Variants in ORC5 observed in about 807,000 individuals in gnomAD.
ORC5 encodes the protein origin recognition complex subunit 5.
A neutral mutation model predicts 58.8 loss-of-function variants in ORC5; 39 were observed. That is an observed-to-expected ratio of 0.66 (90% CI 0.51 to 0.87). The LOEUF (loss-of-function observed/expected upper bound fraction) is 0.87, where lower values mean the gene tolerates loss of function less well. ORC5 is among the 40% of genes least tolerant of loss of function. The pLI is 0.00. For synonymous variants in ORC5, 218 were observed against 177.6 expected, an observed-to-expected ratio of 1.23 and a Z score of -1.81; for missense variants, 493 against 506.3, an observed-to-expected ratio of 0.97 and a Z score of 0.25.
At position 104,204,188 on chromosome 7, in the gene ORC5, G is replaced by C. The variant is rs759669813; in HGVS notation, c.119C>G (p.Ala40Gly). ...FPSIFIYGHTASGKTYVTQTL... is the reference protein window; with the variant it reads ...FPSIFIYGHTGSGKTYVTQTL... Reference sequence around the variant, plus strand: ...TTGTGTTACATAGGTCTTTCCACTAGCAGTATGTCCATAAATAAAAATGGA... The same window carrying C: ...TTGTGTTACATAGGTCTTTCCACTACCAGTATGTCCATAAATAAAAATGGA... Residue 40 changes from alanine to glycine, a missense_variant, in exon 2 of 14, where the codon GCT becomes GGT. By Grantham distance (60) the Ala-to-Gly change is moderately conservative. This residue lies in a region of ORC5 where 412 missense variants were observed against 403.7 expected (regional missense o/e 1.02). Transcript: ENST00000297431. The C allele has an allele frequency of 1.3e-5, 21 of 1,601,208 alleles. No homozygotes were observed. The Admixed American group carries it at 3.5e-4, about 27-fold the overall frequency.
chr7:104,192,373 G>A (rs1268593382), intron 5 of ORC5, among the ~76,000 whole-genome samples: 1 of 152,128 alleles, frequency 6.6e-6, no homozygotes, highest in Non-Finnish European at 1.5e-5. Flanking sequence ...AAATCACACA[G>A]GGCTGTGAAT....
At chr7:104,192,846 C>T (rs1799705877) in intron 5 of ORC5, among the ~76,000 whole-genome samples, 1 of 151,086 alleles carries the variant, frequency 6.6e-6, no homozygotes, top group African/African-American at 2.4e-5. Flanking sequence ...ATTAGATTAG[C>T]TGCCCACTAG....
In ORC5 at chr7:104,188,251, C is replaced by T. The variant is rs1402398630; in HGVS notation, c.684G>A (p.Leu228=). The stretch of plus-strand genomic sequence containing the variant: ...ATATTCAAGCAAAATGTTCATTTAC[C>T]AGATGTCTGAGCTCTTTCAAATCTC... ...VCRDLKELRH[L]AVLNFPKYCE... is the part of the protein sequence containing the mutation. The change falls in exon 6 of 14, where the codon CTG becomes CTA. Residue 228 remains leucine, a splice_region_variant and synonymous_variant. Coordinates refer to ENST00000297431, the MANE Select transcript of ORC5 (RefSeq NM_002553.4). 4.7e-5 allele frequency: 75 copies of T among 1,606,012 alleles called. No individual in the cohort carries two copies. Among genetic ancestry groups the T allele is most frequent in the Non-Finnish European group, 5.8e-5 (68 of 1,174,940 alleles).
Position 104,184,025 on chromosome 7 carries a change from G to A in ORC5, c.742C>T (p.Arg248Cys), listed in dbSNP as rs1331605533. The change falls in exon 8 of 14, where the codon CGT becomes TGT. Residue 248 changes from arginine to cysteine, a missense_variant. Transcript: ENST00000297431. The stretch of plus-strand genomic sequence containing the variant: ...TTTCTCCACAGTTTGCGAGTATCAC[G>A]TTCACTTGCTACCCCAAAGGGAAGA... Reference protein sequence around the residue: ...EPVVKGEASERDTRKLWRNIE... With the variant: ...EPVVKGEASECDTRKLWRNIE... The A allele has an allele frequency of 3.1e-6, 5 of 1,612,590 alleles. No homozygotes were observed. The highest frequency in any genetic ancestry group is 4.5e-5 in the East Asian group (2 of 44,836).
chr7:104,169,999 C>G (rs1414141802), intron 8 of ORC5, among the ~76,000 whole-genome samples: 1 of 152,152 alleles, frequency 6.6e-6, no homozygotes, highest in Non-Finnish European at 1.5e-5. Context: ...TAAGAAATGT[C>G]TTATGAGTAG....
intron 12 of ORC5, among the ~76,000 whole-genome samples, chr7:104,143,276 T>G (rs1798704403): frequency 6.6e-6 from 1 of 152,232 alleles, no homozygotes; most frequent in South Asian, 2.1e-4. Context: ...TTTAGATTCT[T>G]TAATCGAAAT....
At chr7:104,174,112 G>T (rs939438156) in intron 8 of ORC5, among the ~76,000 whole-genome samples, 2 of 152,050 alleles carry the variant, frequency 1.3e-5, no homozygotes, top group African/African-American at 2.4e-5. Context: ...CCAAAGTGCT[G>T]GGATTACAGG....
intron 8 of ORC5, among the ~76,000 whole-genome samples, chr7:104,168,898 A>G (rs552989800): frequency 6.6e-6 from 1 of 152,294 alleles, no homozygotes; most frequent in East Asian, 1.9e-4. Flanking sequence ...CCTAGGCAAC[A>G]TGGGGAAACC....
At chr7:104,152,149 T>C (rs1459118241) in intron 12 of ORC5, among the ~76,000 whole-genome samples, 2 of 152,108 alleles carry the variant, frequency 1.3e-5, no homozygotes, top group African/African-American at 2.4e-5. Flanking sequence ...TCATCTTTTA[T>C]AGATTTTGTT....
chr7:104,140,857 C>A (rs1798662634), intron 12 of ORC5, among the ~76,000 whole-genome samples: 1 of 152,148 alleles, frequency 6.6e-6, no homozygotes, highest in African/African-American at 2.4e-5. Flanking sequence ...TGCCTTTTAG[C>A]CTGCAAAGTC....
intron 6 of ORC5, chr7:104,187,848 G>T (rs559203593): frequency 2.0e-6 from 2 of 987,588 alleles, no homozygotes; most frequent in East Asian, 2.2e-4. Context: ...CTCAATCACC[G>T]CATACATAAA....
intron 5 of ORC5, among the ~76,000 whole-genome samples, chr7:104,190,557 T>C (rs1354062439): frequency 1.6e-5 from 2 of 124,748 alleles, no homozygotes; most frequent in African/African-American, 5.0e-5. Flanking sequence ...CTGGAAATAA[T>C]CATATTTTAG....
intron 12 of ORC5, among the ~76,000 whole-genome samples, chr7:104,139,255 A>G (rs11982003): frequency 0.17 from 25,882 of 152,226 alleles, 2,601 homozygotes; most frequent in South Asian, 0.22. Context: ...AAACACTAAC[A>G]GCAGTAGTAA....
At chr7:104,145,425 C>G (rs1798739307) in intron 12 of ORC5, among the ~76,000 whole-genome samples, 1 of 151,956 alleles carries the variant, frequency 6.6e-6, no homozygotes, top group Non-Finnish European at 1.5e-5. Flanking sequence ...GATTTAATCT[C>G]TGTTGGAAAA....
chr7:104,205,766 C>T (rs1424605878), intron 1 of ORC5, among the ~76,000 whole-genome samples: 1 of 152,184 alleles, frequency 6.6e-6, no homozygotes, highest in Non-Finnish European at 1.5e-5. Flanking sequence ...CCTGTCATCC[C>T]AACACTTTGG....
At chr7:104,145,114 A>G (rs1270851638) in intron 12 of ORC5, among the ~76,000 whole-genome samples, 1 of 152,220 alleles carries the variant, frequency 6.6e-6, no homozygotes, top group Admixed American at 6.5e-5. Context: ...GAAAACCAAG[A>G]TAAGACAAAT....
At chr7:104,139,263 T>C (rs1798636404) in intron 12 of ORC5, among the ~76,000 whole-genome samples, 1 of 152,234 alleles carries the variant, frequency 6.6e-6, no homozygotes, top group Non-Finnish European at 1.5e-5. Context: ...ACAGCAGTAG[T>C]AATTTGCTTG....
intron 12 of ORC5, among the ~76,000 whole-genome samples, chr7:104,145,844 C>T (rs573108155): frequency 6.6e-6 from 1 of 152,170 alleles, no homozygotes; most frequent in Non-Finnish European, 1.5e-5. Flanking sequence ...CAATCCACAA[C>T]TGAGCGGCAA....
At chr7:104,182,222 G>A (rs969054582) in intron 8 of ORC5, among the ~76,000 whole-genome samples, 26 of 152,224 alleles carry the variant, frequency 1.7e-4, no homozygotes, top group Non-Finnish European at 1.3e-4. Flanking sequence ...CCACACAGAA[G>A]GGTCAACAAA....
Sources: gnomAD v4.1 joint callset for allele counts (sites outside exome capture counted in the v4.1 genomes callset) on GRCh38, gnomAD v4.1.1 for gene constraint, gnomAD v4.1.1 regional missense constraint, MANE v1.5 for transcripts, NCBI Gene and HGNC (gene_info 2026-07-23, HGNC 2026-07-21) for gene names.